Variants in LMO1 observed in about 807,000 individuals in gnomAD.
LMO1 encodes the protein rhombotin-1.
In LMO1, 10 loss-of-function variants were observed where a neutral mutation model predicts 18.0. That is an observed-to-expected ratio of 0.55 (90% CI 0.34 to 0.94). LMO1 has a LOEUF of 0.94. Ranked by LOEUF, LMO1 falls within the 40% of genes least tolerant of loss-of-function variation. The pLI, the probability that LMO1 is intolerant of heterozygous loss-of-function variation, is 0.02. For missense variants in LMO1, 183 were observed against 205.7 expected, an observed-to-expected ratio of 0.89 and a Z score of 0.68; for synonymous variants, 77 against 77.9, an observed-to-expected ratio of 0.99 and a Z score of 0.06.
chr11:8,225,715 A>T (rs1952527184), intron 3 of LMO1, among the ~76,000 whole-genome samples: 1 of 152,152 alleles, frequency 6.6e-6, no homozygotes, highest in Non-Finnish European at 1.5e-5. Flanking sequence ...TGAGACCCCA[A>T]GATCGCTGGC....
At chr11:8,237,011 C>T (rs1329039260) in intron 1 of LMO1, among the ~76,000 whole-genome samples, 1 of 152,188 alleles carries the variant, frequency 6.6e-6, no homozygotes, top group East Asian at 1.9e-4. Context: ...CTGATTTCAA[C>T]AAAACCCGCA....
upstream of LMO1, among the ~76,000 whole-genome samples, chr11:8,265,336 G>T (rs1259056989): frequency 6.6e-6 from 1 of 152,146 alleles, no homozygotes; most frequent in Non-Finnish European, 1.5e-5. Flanking sequence ...GAGATTATCT[G>T]GTTTGAAGGA....
At chr11:8,226,377 G>A (rs921770280) in intron 3 of LMO1, among the ~76,000 whole-genome samples, 29 of 152,088 alleles carry the variant, frequency 1.9e-4, no homozygotes, top group African/African-American at 6.5e-4. Context: ...GCCAGGCGTG[G>A]TGGCACACGC....
At chr11:8,237,169 C>T (rs1173283173) in intron 1 of LMO1, among the ~76,000 whole-genome samples, 1 of 151,732 alleles carries the variant, frequency 6.6e-6, no homozygotes, top group Admixed American at 6.6e-5. Flanking sequence ...GGGAGACTCA[C>T]TCTCTGGGTC....
chr11:8,268,418 G>C, upstream of LMO1: 1 of 1,469,440 alleles, frequency 6.8e-7, no homozygotes. Context: ...CCGGGCGCCG[G>C]GCACCTACCG....
chr11:8,227,341 C>T (rs1289040894), intron 2 of LMO1, among the ~76,000 whole-genome samples: 4 of 152,198 alleles, frequency 2.6e-5, no homozygotes, highest in African/African-American at 9.6e-5. Context: ...GAGTTGGCTG[C>T]CACTGCCCAT....
At chr11:8,251,900 AGTGTGTGGTGG>A (rs55925157) in intron 1 of LMO1, among the ~76,000 whole-genome samples, 58,437 of 132,544 alleles carry the variant, frequency 0.44, 13,080 homozygotes, top group East Asian at 0.8. Flanking sequence ...TGTGTATGGG[AGTGTGTGGTGG>A]GTGTGTGGTG....
At chr11:8,237,554 TG>T (rs1453276347) in intron 1 of LMO1, among the ~76,000 whole-genome samples, 1 of 152,174 alleles carries the variant, frequency 6.6e-6, no homozygotes, top group Non-Finnish European at 1.5e-5. Flanking sequence ...CGAGAACAAC[TG>T]TTGAAACGCG....
chr11:8,255,379 G>A (rs1847073563), intron 1 of LMO1, among the ~76,000 whole-genome samples: 1 of 152,154 alleles, frequency 6.6e-6, no homozygotes, highest in South Asian at 2.1e-4. Context: ...TGGTGATATG[G>A]ACCTATAGTC....
upstream of LMO1, chr11:8,268,459 G>A (rs1426656671): frequency 1.4e-6 from 2 of 1,449,608 alleles, no homozygotes; most frequent in South Asian, 1.3e-5. Context: ...GGTCCCGACG[G>A]CTCCAGCCGG....
chr11:8,238,368 G>A lies in LMO1; in HGVS notation c.26-7864C>T, dbSNP rs1329667972. Among the ~76,000 whole-genome samples the A allele has an allele frequency of 6.6e-5, 10 of 152,204 alleles. No individual in the cohort carries two copies. The East Asian group carries it at 1.7e-3, about 26-fold the overall frequency. On this transcript the variant is annotated intron_variant, in intron 1 of 3. Coordinates refer to ENST00000335790, the MANE Select transcript of LMO1 (RefSeq NM_002315.3). The stretch of plus-strand genomic sequence containing the variant: ...CCCAAACAGGCAAAACCGATCTGAT[G>A]TCAGAATAATGGTTGCTTGGAGGAT...
At chr11:8,252,862 G>C (rs2134572672) in intron 1 of LMO1, among the ~76,000 whole-genome samples, 1 of 152,388 alleles carries the variant, frequency 6.6e-6, no homozygotes, top group Middle Eastern at 3.4e-3. Context: ...ACAGCAACGA[G>C]AGAATAAGTA....
At chr11:8,253,957 C>T (rs537944379) in intron 1 of LMO1, among the ~76,000 whole-genome samples, 5 of 152,216 alleles carry the variant, frequency 3.3e-5, no homozygotes, top group South Asian at 2.1e-4. Context: ...AAGCAGAATG[C>T]GTCAGACTGT....
intron 1 of LMO1, among the ~76,000 whole-genome samples, chr11:8,258,691 G>A (rs1262672529): frequency 6.6e-6 from 1 of 152,256 alleles, no homozygotes. Context: ...GTGACACAGG[G>A]TGGGGGTAAG....
chr11:8,235,149 G>A (rs961238411), intron 1 of LMO1, among the ~76,000 whole-genome samples: 1 of 150,928 alleles, frequency 6.6e-6, no homozygotes, highest in Non-Finnish European at 1.5e-5. Flanking sequence ...AGTCACCCCA[G>A]GATACCATCC....
At chr11:8,266,431 G>A (rs949663670), upstream of LMO1, among the ~76,000 whole-genome samples, 3 of 151,844 alleles carry the variant, frequency 2.0e-5, no homozygotes, top group Non-Finnish European at 4.4e-5. Flanking sequence ...GCACCAGAGT[G>A]GAATCCTCAG....
chr11:8,230,308 G>T lies in LMO1; in HGVS notation c.222C>A (p.Cys74Ter). Reference protein sequence around the residue: ...TLYTKANLILCRRDYLRLFGT... With the variant: ...TLYTKANLIL ...CAGCCCACCTCAGGTAGTCGCGTCG[G>T]CACAGGATGAGGTTGGCCTTGGTGT... The change falls in exon 2 of 4, where the codon TGC becomes TGA. Residue 74 changes from cysteine to a stop codon, truncating the protein, a stop_gained. Transcript: ENST00000335790. LOFTEE classifies it high-confidence loss of function. The T allele has an allele frequency of 6.2e-7, 1 of 1,613,722 alleles. No homozygotes were observed. Among genetic ancestry groups the T allele is most frequent in the Non-Finnish European group, 8.5e-7 (1 of 1,179,876 alleles).
upstream of LMO1, among the ~76,000 whole-genome samples, chr11:8,264,467 T>G (rs1395951470): frequency 6.6e-6 from 1 of 152,190 alleles, no homozygotes; most frequent in Non-Finnish European, 1.5e-5. Context: ...ATTATGGAGT[T>G]GACGATTCTT....
intron 2 of LMO1, among the ~76,000 whole-genome samples, chr11:8,227,642 A>C (rs1203422074): frequency 6.6e-6 from 1 of 152,230 alleles, no homozygotes; most frequent in Non-Finnish European, 1.5e-5. Flanking sequence ...CTAATCTAAG[A>C]GCTTTACAAA....
Sources: allele counts gnomAD v4.1 joint callset (sites outside exome capture counted in the v4.1 genomes callset), GRCh38; gene constraint gnomAD v4.1.1; transcripts MANE v1.5; gene names NCBI Gene and HGNC (gene_info 2026-07-23, HGNC 2026-07-21).